The following NOS1 variants were observed in gnomAD, a reference collection of about 807,000 sequenced individuals.
The protein encoded by NOS1 is nitric oxide synthase 1, also known as NOS type I.
A neutral mutation model predicts 164.5 loss-of-function variants in NOS1; 51 were observed. The observed-to-expected ratio is 0.31, with a 90% CI of 0.25 to 0.39. NOS1 has a LOEUF of 0.39. NOS1 is among the 10% of genes least tolerant of loss of function. The pLI, the probability that NOS1 is intolerant of heterozygous loss-of-function variation, is 1.00. For synonymous variants in NOS1, 719 were observed against 745.8 expected (o/e 0.96, Z 0.59); for missense variants, 1,362 against 1,885.6 (o/e 0.72, Z 5.14).
At chr12:117,262,458 AGAGG>A (rs763064517) in intron 13 of NOS1, among the ~76,000 whole-genome samples, 79 of 85,536 alleles carry the variant, frequency 9.2e-4, no homozygotes, top group Admixed American at 2.7e-3. Context: ...CAGAGAGAGG[AGAGG>A]GAGGGAGGGA....
intron 6 of NOS1, among the ~76,000 whole-genome samples, chr12:117,285,805 T>G (rs1042334397): frequency 6.6e-6 from 1 of 152,110 alleles, no homozygotes; most frequent in Admixed American, 6.6e-5. Context: ...ATAGGCTAAG[T>G]AGATGCAAGA....
chr12:117,326,982 A>G (rs1039834253), intron 2 of NOS1, among the ~76,000 whole-genome samples: 2 of 152,194 alleles, frequency 1.3e-5, no homozygotes, highest in African/African-American at 4.8e-5. Context: ...GAGAGGGTGC[A>G]CTGGGATCCT....
intron 2 of NOS1, among the ~76,000 whole-genome samples, chr12:117,313,551 C>T (rs1566072218): frequency 1.3e-5 from 2 of 152,132 alleles, no homozygotes; most frequent in Non-Finnish European, 2.9e-5. Flanking sequence ...TTGCCTCGGC[C>T]TCTCAAAGTG....
intron 22 of NOS1, 113 bp downstream of exon 22, chr12:117,231,849 C>G: frequency 8.7e-7 from 1 of 1,155,876 alleles, no homozygotes; most frequent in Non-Finnish European, 1.2e-6. Context: ...AATAATGGCC[C>G]CCTTGGCTCA....
At chr12:117,285,610 T>C (rs1240428935) in intron 6 of NOS1, among the ~76,000 whole-genome samples, 1 of 149,894 alleles carries the variant, frequency 6.7e-6, no homozygotes, top group African/African-American at 2.5e-5. Flanking sequence ...AAGGAGGGGG[T>C]TTAGATGGGC....
chr12:117,214,991 A>G lies in NOS1; in HGVS notation c.*318T>C. ...TTCCAGGGGAACCCCAGAGAAAAAA[A>G]CCCCCACAGCGACGGCCATGTTCCA... On this transcript the variant is annotated 3_prime_UTR_variant, in exon 29 of 29. Transcript: ENST00000317775. 2 of 1,123,136 alleles carry G rather than the reference A, an allele frequency of 1.8e-6. No homozygotes were observed. The highest frequency in any genetic ancestry group is 2.2e-6 in the Non-Finnish European group (2 of 919,724). The allele number at this position is 1,123,136 out of a possible 1,614,324, so 69.6% of individuals were successfully genotyped here.
chr12:117,300,959 A>C (rs1190038524), intron 3 of NOS1, among the ~76,000 whole-genome samples: 1 of 152,208 alleles, frequency 6.6e-6, no homozygotes, highest in Admixed American at 6.5e-5. Flanking sequence ...CTCTGTGGGT[A>C]ACATCTGTGC....
At chr12:117,337,030 G>C (rs1004015906) in intron 1 of NOS1, among the ~76,000 whole-genome samples, 8 of 150,432 alleles carry the variant, frequency 5.3e-5, no homozygotes, top group African/African-American at 1.7e-4. Flanking sequence ...TCATGGGCTT[G>C]AGCAATCCTC....
At chr12:117,306,712 C>A (rs1214540097) in intron 3 of NOS1, among the ~76,000 whole-genome samples, 2 of 151,982 alleles carry the variant, frequency 1.3e-5, no homozygotes, top group African/African-American at 4.8e-5. Flanking sequence ...CTCCACCTCC[C>A]AGGTTCAAGC....
In NOS1 at chr12:117,290,213, C is replaced by T. The variant is rs757507472; in HGVS notation, c.981+85G>A. The T allele has an allele frequency of 3.1e-5, 47 of 1,518,596 alleles. 1 individual carries two copies. Among genetic ancestry groups the T allele is most frequent in the Admixed American group, 1.1e-4 (6 of 53,258 alleles). The allele number at this position is 1,518,596 out of a possible 1,614,324, so 94.1% of individuals were successfully genotyped here. A position where few individuals can be genotyped will look rare whatever the true frequency, so the allele number is the denominator to read the frequency against. ...TCAACACCCTACAACAGAGGACAGCCCCCACAACAAAGACTTATCCGACTC... is the reference window on the plus strand; with the variant it reads ...TCAACACCCTACAACAGAGGACAGCTCCCACAACAAAGACTTATCCGACTC... On this transcript the variant is annotated intron_variant, in intron 4 of 28. Coordinates refer to ENST00000317775, the MANE Select transcript of NOS1 (RefSeq NM_000620.5).
intron 28 of NOS1, among the ~76,000 whole-genome samples, chr12:117,216,459 G>C (rs1299358961): frequency 6.6e-6 from 1 of 152,084 alleles, no homozygotes; most frequent in East Asian, 1.9e-4. Flanking sequence ...TGGGATTACA[G>C]GGGTGAGCCA....
In NOS1 at chr12:117,290,435, G is replaced by C; in HGVS notation, c.853-9C>G. ...TTTCCTGAGGTGGGGGGCTGCAGGA[G>C]AGAATGAAGGTGGAAGATGAGGCAG... On this transcript the variant is annotated splice_polypyrimidine_tract_variant and intron_variant, in intron 3 of 28. Coordinates refer to ENST00000317775, the MANE Select transcript of NOS1 (RefSeq NM_000620.5). 6.2e-7 allele frequency: 1 copy of C among 1,608,068 alleles called. No homozygotes were observed.
intron 3 of NOS1, among the ~76,000 whole-genome samples, chr12:117,303,261 TA>T (rs1873942989): frequency 6.6e-6 from 1 of 152,092 alleles, no homozygotes; most frequent in Non-Finnish European, 1.5e-5. Context: ...TTGGATCCCC[TA>T]AAGATTGGGA....
In NOS1 at chr12:117,210,004, G is replaced by A. The variant is rs1320997355; in HGVS notation, c.*5305C>T. 23 of 978,696 alleles carry A rather than the reference G, an allele frequency of 2.4e-5. No homozygotes were observed. Among genetic ancestry groups the A allele is most frequent in the Non-Finnish European group, 2.7e-5 (22 of 824,022 alleles). 60.6% of individuals were successfully genotyped at this position (978,696 alleles called of 1,614,324 possible). A position where few individuals can be genotyped will look rare whatever the true frequency, so the allele number is the denominator to read the frequency against. Reference sequence around the variant, plus strand: ...TAATTTTTTTTAGAGACAGGGTCTTGCTCTGTCACTCAGGCTGGAGTGCAG... The same window carrying A: ...TAATTTTTTTTAGAGACAGGGTCTTACTCTGTCACTCAGGCTGGAGTGCAG... On this transcript the variant is annotated 3_prime_UTR_variant, in exon 29 of 29. Transcript: ENST00000317775.
chr12:117,221,858 G>C (rs987049691), intron 26 of NOS1, among the ~76,000 whole-genome samples: 1 of 133,792 alleles, frequency 7.5e-6, no homozygotes, highest in African/African-American at 2.8e-5. Context: ...CAGGGTCTCA[G>C]TATGTTGCCC....
chr12:117,261,432 C>A (rs1871901988), intron 13 of NOS1, among the ~76,000 whole-genome samples: 1 of 151,734 alleles, frequency 6.6e-6, no homozygotes, highest in Non-Finnish European at 1.5e-5. Context: ...CTATGGAATG[C>A]AGCTGTCATA....
intron 3 of NOS1, among the ~76,000 whole-genome samples, chr12:117,301,769 G>T (rs1172261339): frequency 6.6e-6 from 1 of 152,202 alleles, no homozygotes; most frequent in Non-Finnish European, 1.5e-5. Context: ...AAGGGGAGGA[G>T]ATGCAGCCTT....
chr12:117,278,110 C>A lies in NOS1; in HGVS notation c.1525-12G>T. 6.2e-7 allele frequency: 1 copy of A among 1,607,084 alleles called. No individual in the cohort carries two copies. Among genetic ancestry groups the A allele is most frequent in the Non-Finnish European group, 8.5e-7 (1 of 1,175,866 alleles). ...TGCTGTATGCATATCTGCAAGCAGA[C>A]CCGGCCAGGTAATGCCACTGTACCC... On this transcript the variant is annotated splice_polypyrimidine_tract_variant and intron_variant, in intron 8 of 28. Transcript: ENST00000317775.
Position 117,214,868 on chromosome 12 carries a change from G to GCAC in NOS1, c.*440_*441insGTG. ...ACACACACACACACACACACACACAGGCACGCACAACCAAAATGTCATCAT... is the reference window on the plus strand; with the variant it reads ...ACACACACACACACACACACACACAGCACGCACGCACAACCAAAATGTCATCAT... On this transcript the variant is annotated 3_prime_UTR_variant, in exon 29 of 29. Transcript: ENST00000317775. The GCAC allele has an allele frequency of 1.0e-6, 1 of 964,762 alleles. No homozygotes were observed. The highest frequency in any genetic ancestry group is 1.2e-6 in the Non-Finnish European group (1 of 829,540). The allele number at this position is 964,762 out of a possible 1,614,324, so 59.8% of individuals were successfully genotyped here.
Sources: allele counts gnomAD v4.1 joint callset (sites outside exome capture counted in the v4.1 genomes callset), GRCh38; gene constraint gnomAD v4.1.1; transcripts MANE v1.5; gene names NCBI Gene and HGNC (gene_info 2026-07-23, HGNC 2026-07-21).